ITGB3: variants seen among roughly 807,000 people sequenced by gnomAD.
ITGB3 encodes integrin beta-3.
In ITGB3, 48 loss-of-function variants were observed where a neutral mutation model predicts 85.8. The observed-to-expected ratio is 0.56, with a 90% CI of 0.44 to 0.71. ITGB3 has a LOEUF of 0.71. ITGB3 is among the 30% of genes least tolerant of loss of function. The pLI is 0.00. For synonymous variants in ITGB3, 363 were observed against 395.6 expected (o/e 0.92, Z 0.98); for missense variants, 861 against 1,019.1 (o/e 0.84, Z 2.11).
chr17:47,257,657 T>G (rs1427734928), intron 1 of ITGB3, among the ~76,000 whole-genome samples: 1 of 152,232 alleles, frequency 6.6e-6, no homozygotes, highest in Non-Finnish European at 1.5e-5. Flanking sequence ...CTGGAGGGTA[T>G]GAAAACATAG....
At position 47,310,142 on chromosome 17, in the gene ITGB3, A is replaced by C; in HGVS notation, c.2305A>C (p.Asn769His). ...ERARAKWDTA[N>H]NPLYKEATST... is the part of the protein sequence containing the mutation. ...TGCTATTCTGTTTCCTCCACAGGCC[A>C]ACAACCCACTGTATAAAGAGGCCAC... The change falls in exon 15 of 15, where the codon AAC becomes CAC. Residue 769 changes from asparagine (N) to histidine (H), a missense_variant. Asn to His is a moderately conservative substitution (Grantham distance 68). Transcript: ENST00000559488. 1.9e-6 allele frequency: 3 copies of C among 1,614,000 alleles called. No homozygotes were observed. The highest frequency in any genetic ancestry group is 2.5e-6 in the Non-Finnish European group (3 of 1,179,898).
intron 6 of ITGB3, among the ~76,000 whole-genome samples, chr17:47,287,911 C>CTTT (rs60463106): frequency 0.018 from 988 of 55,392 alleles, 71 homozygotes; most frequent in East Asian, 0.033. Flanking sequence ...ACCACCCCTG[C>CTTT]TTTTTTTTTT....
intron 1 of ITGB3, among the ~76,000 whole-genome samples, chr17:47,272,384 T>A (rs1304236243): frequency 1.3e-5 from 2 of 152,122 alleles, no homozygotes; most frequent in Non-Finnish European, 2.9e-5. Flanking sequence ...ATATACATTG[T>A]TCTCATCAAG....
Position 47,292,127 on chromosome 17 carries a change from C to T in ITGB3, c.1261-12C>T. On this transcript the variant is annotated splice_polypyrimidine_tract_variant and intron_variant, in intron 9 of 14. Transcript: ENST00000559488. ...CCAACTGTGTCTAAATACAATCTTTCTTTCCATCCAGGTGAGCTTCAGCAT... is the reference window on the plus strand; with the variant it reads ...CCAACTGTGTCTAAATACAATCTTTTTTTCCATCCAGGTGAGCTTCAGCAT... 1 of 1,614,000 alleles carries T rather than the reference C, an allele frequency of 6.2e-7. No individual in the cohort carries two copies. Among genetic ancestry groups the T allele is most frequent in the East Asian group, 2.2e-5 (1 of 44,890 alleles).
chr17:47,303,107 G>A (rs945021904), intron 13 of ITGB3, among the ~76,000 whole-genome samples: 14 of 152,052 alleles, frequency 9.2e-5, no homozygotes, highest in East Asian at 1.9e-4. Context: ...AACATTAGCC[G>A]GGCATGGTGG....
intron 2 of ITGB3, among the ~76,000 whole-genome samples, chr17:47,276,216 G>C (rs1222831096): frequency 6.6e-6 from 1 of 152,084 alleles, no homozygotes; most frequent in Non-Finnish European, 1.5e-5. Context: ...GAGAATCTGG[G>C]GAAAAAGAAA....
intron 14 of ITGB3, among the ~76,000 whole-genome samples, chr17:47,308,184 T>TAATAATAATAATAATAATAAC (rs151170176): frequency 6.7e-6 from 1 of 148,662 alleles, no homozygotes; most frequent in Non-Finnish European, 1.5e-5. Context: ...ATAATAATAA[T>TAATAATAATAATAATAATAAC]AATAAAATAA....
chr17:47,301,552 G>A (rs2065167368), intron 12 of ITGB3, among the ~76,000 whole-genome samples: 1 of 151,446 alleles, frequency 6.6e-6, no homozygotes, highest in African/African-American at 2.4e-5. Context: ...AGGCTGCTGA[G>A]ATATTATTTT....
chr17:47,295,437 C>T (rs1202190392), intron 10 of ITGB3, among the ~76,000 whole-genome samples: 2 of 152,162 alleles, frequency 1.3e-5, no homozygotes, highest in South Asian at 4.1e-4. Flanking sequence ...TCTTACTTTA[C>T]TCCTCTGACT....
At position 47,284,320 on chromosome 17, in the gene ITGB3, A is replaced by G. The variant is rs2065094684; in HGVS notation, c.362-123A>G. 2.7e-6 allele frequency: 3 copies of G among 1,118,452 alleles called. No homozygotes were observed. In the South Asian group the frequency reaches 4.0e-5, roughly 15 times the overall value. The allele number at this position is 1,118,452 out of a possible 1,614,324, so 69.3% of individuals were successfully genotyped here. A position where few individuals can be genotyped will look rare whatever the true frequency, so the allele number is the denominator to read the frequency against. On this transcript the variant is annotated intron_variant, in intron 3 of 14. Coordinates refer to ENST00000559488, the MANE Select transcript of ITGB3 (RefSeq NM_000212.3). Reference sequence around the variant, plus strand: ...TAATAGAATTGCAAAGGAAGAGGAAAAGGGACCAGGGCTTTCTGGTTTGCT... The same window carrying G: ...TAATAGAATTGCAAAGGAAGAGGAAGAGGGACCAGGGCTTTCTGGTTTGCT...
chr17:47,256,463 C>T (rs2064990219), intron 1 of ITGB3, among the ~76,000 whole-genome samples: 1 of 146,618 alleles, frequency 6.8e-6, no homozygotes. Context: ...AGTCAGACTT[C>T]CAGAGTAATA....
chr17:47,286,553 T>A, intron 5 of ITGB3, 131 bp downstream of exon 5: 1 of 1,107,780 alleles, frequency 9.0e-7, no homozygotes, highest in Non-Finnish European at 1.4e-6. Flanking sequence ...CAGTTATGAG[T>A]AGTAAGTTGC....
Position 47,283,447 on chromosome 17 carries a change from G to A in ITGB3, c.259G>A (p.Ala87Thr). 6.2e-7 allele frequency: 1 copy of A among 1,614,238 alleles called. No homozygotes were observed. The highest frequency in any genetic ancestry group is 8.5e-7 in the Non-Finnish European group (1 of 1,180,052). The change falls in exon 3 of 15, where the codon GCC becomes ACC. Residue 87 changes from alanine (A) to threonine (T), a missense_variant. Coordinates refer to ENST00000559488, the MANE Select transcript of ITGB3 (RefSeq NM_000212.3). ...PESIEFPVSE[A>T]RVLEDRPLSD... ...ATCCATCGAGTTCCCAGTGAGTGAG[G>A]CCCGAGTACTAGAGGACAGGCCCCT... is the stretch of plus-strand genomic sequence containing the variant.
At chr17:47,294,418 G>A (rs928218429) in intron 10 of ITGB3, among the ~76,000 whole-genome samples, 3 of 152,184 alleles carry the variant, frequency 2.0e-5, no homozygotes, top group Non-Finnish European at 4.4e-5. Context: ...ACTGCGGCAG[G>A]ATCCCAGCCA....
chr17:47,283,636 A>C, intron 3 of ITGB3, 87 bp downstream of exon 3: 1 of 1,298,342 alleles, frequency 7.7e-7, no homozygotes, highest in Non-Finnish European at 1.1e-6. Flanking sequence ...GTCTTGGGGA[A>C]GTAGCTCAGA....
At chr17:47,255,140 G>A (rs1208244195) in intron 1 of ITGB3, among the ~76,000 whole-genome samples, 1 of 148,556 alleles carries the variant, frequency 6.7e-6, no homozygotes, top group Admixed American at 6.7e-5. Context: ...CACCACGGCC[G>A]GCTAATTTTT....
At chr17:47,285,234 G>A (rs546168588) in intron 4 of ITGB3, among the ~76,000 whole-genome samples, 4 of 152,232 alleles carry the variant, frequency 2.6e-5, no homozygotes, top group South Asian at 2.1e-4. Flanking sequence ...TTATTTAATC[G>A]GTGGAGACTG....
rs1360015966 is a variant in ITGB3, at chr17:47,313,537, G to A, written c.*3333G>A. Among the ~76,000 whole-genome samples the A allele has an allele frequency of 2.6e-5, 4 of 151,688 alleles. No homozygotes were observed. The highest frequency in any genetic ancestry group is 4.4e-5 in the Non-Finnish European group (3 of 67,968). Reference sequence around the variant, plus strand: ...AATTTCTTTTTGTATTTTTAGTAGAGACGGGGTTTCACGGTGTTAGCCAGG... The same window carrying A: ...AATTTCTTTTTGTATTTTTAGTAGAAACGGGGTTTCACGGTGTTAGCCAGG... On this transcript the variant is annotated 3_prime_UTR_variant, in exon 15 of 15. Coordinates refer to ENST00000559488, the MANE Select transcript of ITGB3 (RefSeq NM_000212.3).
At chr17:47,266,426 A>G (rs558787641) in intron 1 of ITGB3, among the ~76,000 whole-genome samples, 11 of 152,050 alleles carry the variant, frequency 7.2e-5, no homozygotes, top group Admixed American at 2.0e-4. Context: ...ACTGGATCCA[A>G]TTCCCTCCCT....
Sources: gnomAD v4.1 joint callset for allele counts (sites outside exome capture counted in the v4.1 genomes callset) on GRCh38, gnomAD v4.1.1 for gene constraint, MANE v1.5 for transcripts, NCBI Gene and HGNC (gene_info 2026-07-23, HGNC 2026-07-21) for gene names.